CD200: variants seen among roughly 807,000 people sequenced by gnomAD.
The protein encoded by CD200 is OX-2 membrane glycoprotein.
A neutral mutation model predicts 30.9 loss-of-function variants in CD200; 15 were observed. The ratio of observed to expected loss-of-function variants is 0.49; its 90% CI spans 0.32 to 0.75. CD200 has a LOEUF of 0.75. CD200 is among the 30% of genes least tolerant of loss of function. The probability of loss-of-function intolerance (pLI) is 0.03; values close to 1 mark genes in which losing one functional copy is unlikely to be tolerated. For synonymous variants in CD200, 134 were observed against 126.2 expected, an observed-to-expected ratio of 1.06 and a Z score of -0.41; for missense variants, 262 against 324.2, an observed-to-expected ratio of 0.81 and a Z score of 1.47.
intron 5 of CD200, among the ~76,000 whole-genome samples, chr3:112,360,092 C>G (rs1325399314): frequency 1.3e-5 from 2 of 152,148 alleles, no homozygotes; most frequent in African/African-American, 4.8e-5. Context: ...CTTTGGGAGG[C>G]TGAGGCAGGC....
At chr3:112,339,982 G>A (rs914800091) in intron 1 of CD200, among the ~76,000 whole-genome samples, 2 of 152,204 alleles carry the variant, frequency 1.3e-5, no homozygotes, top group Non-Finnish European at 2.9e-5. Context: ...TATTGTGGTG[G>A]TGAGAGACCG....
chr3:112,345,110 C>A lies in CD200; in HGVS notation c.243C>A (p.Asn81Lys), dbSNP rs141880997. 1.4e-4 allele frequency: 218 copies of A among 1,613,948 alleles called. No individual in the cohort carries two copies. Among genetic ancestry groups the A allele is most frequent in the Non-Finnish European group, 1.7e-4 (205 of 1,180,004 alleles). ...AAAACATGGTCACCTTCAGCGAGAA[C>A]CATGGGGTGGTGATCCAGCCTGCCT... ...SPENMVTFSE[N>K]HGVVIQPAYK... is the part of the protein sequence containing the mutation. The change falls in exon 3 of 6, where the codon AAC becomes AAA. Residue 81 changes from asparagine (N) to lysine (K), a missense_variant. Asn to Lys is a moderately conservative substitution (Grantham distance 94, BLOSUM62 0). Transcript: ENST00000315711.
chr3:112,347,011 T>C (rs1043717807), intron 3 of CD200, among the ~76,000 whole-genome samples: 2 of 152,220 alleles, frequency 1.3e-5, no homozygotes, highest in Admixed American at 6.5e-5. Flanking sequence ...AAAGGGATTT[T>C]CCAGCTCTCC....
intron 5 of CD200, among the ~76,000 whole-genome samples, chr3:112,350,805 T>C (rs930193007): frequency 1.3e-5 from 2 of 152,222 alleles, no homozygotes; most frequent in African/African-American, 4.8e-5. Context: ...TTTATAGAAA[T>C]GTTTCCTTTT....
intron 4 of CD200, 34 bp from the exon 5 acceptor site, chr3:112,349,678 G>T: frequency 6.3e-7 from 1 of 1,577,382 alleles, no homozygotes; most frequent in South Asian, 1.2e-5. Context: ...CTCATGTGAT[G>T]TCATTTTCCT....
chr3:112,332,915 A>AC (rs1404432367), upstream of CD200: 1 of 499,926 alleles, frequency 2.0e-6, no homozygotes, highest in Non-Finnish European at 3.5e-6. Flanking sequence ...AAAATGGAAA[A>AC]AAAAAAATGA....
chr3:112,355,505 A>C (rs1410043334), intron 5 of CD200, among the ~76,000 whole-genome samples: 1 of 152,180 alleles, frequency 6.6e-6, no homozygotes, highest in Non-Finnish European at 1.5e-5. Flanking sequence ...TCCCGTAAAC[A>C]CAAGTTCACA....
intron 1 of CD200, among the ~76,000 whole-genome samples, chr3:112,340,225 T>C (rs2081207460): frequency 6.6e-6 from 1 of 152,168 alleles, no homozygotes; most frequent in Non-Finnish European, 1.5e-5. Context: ...CATGGCACTA[T>C]TGCAGAGAAA....
intron 5 of CD200, among the ~76,000 whole-genome samples, chr3:112,351,619 G>A (rs765508235): frequency 1.1e-4 from 17 of 152,096 alleles, no homozygotes; most frequent in Non-Finnish European, 5.9e-5. Flanking sequence ...GTACGCATCA[G>A]GATTGCCATT....
chr3:112,360,814 G>T (rs1050041388), intron 5 of CD200, among the ~76,000 whole-genome samples: 1 of 152,156 alleles, frequency 6.6e-6, no homozygotes, highest in African/African-American at 2.4e-5. Context: ...AAAGCCACTA[G>T]CCCTTGGAAA....
At chr3:112,336,765 GA>G (rs893026090) in intron 1 of CD200, among the ~76,000 whole-genome samples, 6 of 152,070 alleles carry the variant, frequency 3.9e-5, no homozygotes, top group African/African-American at 1.2e-4. Context: ...AAAGCAACAG[GA>G]TTCAGTGGAT....
chr3:112,334,392 G>A, intron 1 of CD200: 2 of 244,558 alleles, frequency 8.2e-6, no homozygotes, highest in Non-Finnish European at 1.3e-5. Context: ...CCCCCTATAT[G>A]ATTTGATCGA....
At chr3:112,332,700 A>G (rs113789328), upstream of CD200, 255 of 163,482 alleles carry the variant, frequency 1.6e-3, no homozygotes, top group African/African-American at 5.4e-3. Flanking sequence ...ACATCATGAA[A>G]GGTGAAATCA....
At chr3:112,357,089 C>A (rs1040119604) in intron 5 of CD200, among the ~76,000 whole-genome samples, 7 of 151,774 alleles carry the variant, frequency 4.6e-5, no homozygotes, top group African/African-American at 1.7e-4. Flanking sequence ...GTGAAACCCC[C>A]TCTCTACTAA....
chr3:112,332,959 A>G, upstream of CD200: 1 of 554,214 alleles, frequency 1.8e-6, no homozygotes, highest in Non-Finnish European at 3.2e-6. Context: ...CAGTTTCCCC[A>G]GCGGTCACCT....
intron 5 of CD200, among the ~76,000 whole-genome samples, chr3:112,358,790 TA>T (rs1412093645): frequency 6.6e-6 from 1 of 152,234 alleles, no homozygotes; most frequent in Non-Finnish European, 1.5e-5. Flanking sequence ...TTCTCTGCAC[TA>T]AACAACTTCT....
At chr3:112,343,695 T>G (rs2081320675) in intron 2 of CD200, among the ~76,000 whole-genome samples, 1 of 152,234 alleles carries the variant, frequency 6.6e-6, no homozygotes, top group African/African-American at 2.4e-5. Context: ...GAATTTAAAT[T>G]TTTTCTTTGT....
At chr3:112,351,163 T>C (rs1193070224) in intron 5 of CD200, among the ~76,000 whole-genome samples, 1 of 152,180 alleles carries the variant, frequency 6.6e-6, no homozygotes, top group Non-Finnish European at 1.5e-5. Context: ...TTCCATAAGT[T>C]TATACAGCTT....
At chr3:112,339,778 G>A (rs1463446251) in intron 1 of CD200, among the ~76,000 whole-genome samples, 1 of 152,222 alleles carries the variant, frequency 6.6e-6, no homozygotes, top group African/African-American at 2.4e-5. Context: ...ACATGAGCAA[G>A]CACCAGTTCA....
Sources: gnomAD v4.1 joint callset for allele counts (sites outside exome capture counted in the v4.1 genomes callset) on GRCh38, gnomAD v4.1.1 for gene constraint, MANE v1.5 for transcripts, NCBI Gene and HGNC (gene_info 2026-07-23, HGNC 2026-07-21) for gene names.